The following KIAA0825 variants were observed in gnomAD, a reference collection of about 807,000 sequenced individuals.
KIAA0825 encodes the protein KIAA0825.
Under a neutral mutation model 147.6 loss-of-function variants are expected in KIAA0825, and 119 were observed. The ratio of observed to expected loss-of-function variants is 0.81; its 90% CI spans 0.69 to 0.94. The LOEUF (loss-of-function observed/expected upper bound fraction) is 0.94. Ranked by LOEUF, KIAA0825 falls within the 40% of genes least tolerant of loss-of-function variation. The probability of loss-of-function intolerance (pLI) is 0.00; values close to 1 mark genes in which losing one functional copy is unlikely to be tolerated. For synonymous variants in KIAA0825, 470 were observed against 518.1 expected (o/e 0.91, Z 1.26); for missense variants, 1,381 against 1,472.7 (o/e 0.94, Z 1.02).
chr5:94,514,502 T>A (rs1457509870), intron 5 of KIAA0825, among the ~76,000 whole-genome samples: 1 of 152,170 alleles, frequency 6.6e-6, no homozygotes, highest in Non-Finnish European at 1.5e-5. Flanking sequence ...ACTCTTCAAA[T>A]TATTGAAGGA....
intron 20 of KIAA0825, among the ~76,000 whole-genome samples, chr5:94,205,667 C>A (rs1399782417): frequency 6.6e-6 from 1 of 152,084 alleles, no homozygotes; most frequent in Admixed American, 6.5e-5. Context: ...ATGCCATAAT[C>A]CCTAAGCTCT....
intron 1 of KIAA0825, among the ~76,000 whole-genome samples, chr5:94,591,436 A>C (rs186971942): frequency 2.3e-4 from 35 of 152,346 alleles, no homozygotes; most frequent in Middle Eastern, 3.4e-3. Flanking sequence ...GATATGCTTC[A>C]AGACATGAAT....
intron 2 of KIAA0825, among the ~76,000 whole-genome samples, chr5:94,547,736 C>CAAA (rs144612994): frequency 2.3e-5 from 3 of 127,680 alleles, no homozygotes; most frequent in Admixed American, 8.1e-5. Flanking sequence ...GACTCCCTTT[C>CAAA]AAAAAAAAAA....
chr5:94,402,355 A>T (rs1751495965), intron 16 of KIAA0825, among the ~76,000 whole-genome samples: 1 of 152,172 alleles, frequency 6.6e-6, no homozygotes, highest in Non-Finnish European at 1.5e-5. Flanking sequence ...TGCCTACTGA[A>T]TTGCTCAAAA....
intron 20 of KIAA0825, among the ~76,000 whole-genome samples, chr5:94,339,144 G>A (rs1001554102): frequency 6.6e-6 from 1 of 152,044 alleles, no homozygotes; most frequent in African/African-American, 2.4e-5. Context: ...CGTAGATGTA[G>A]ACAGGTACCA....
chr5:94,575,972 A>T (rs930631323), intron 2 of KIAA0825, among the ~76,000 whole-genome samples: 1 of 152,250 alleles, frequency 6.6e-6, no homozygotes, highest in Non-Finnish European at 1.5e-5. Flanking sequence ...AATAGATTTT[A>T]AAAATTTAGG....
chr5:94,202,174 G>A (rs1330849719), intron 20 of KIAA0825, among the ~76,000 whole-genome samples: 2 of 152,236 alleles, frequency 1.3e-5, no homozygotes, highest in African/African-American at 2.4e-5. Context: ...TATTTGGTCA[G>A]TGGGCTAGCA....
intron 20 of KIAA0825, among the ~76,000 whole-genome samples, chr5:94,355,875 T>C (rs978369194): frequency 6.6e-6 from 1 of 152,212 alleles, no homozygotes; most frequent in Non-Finnish European, 1.5e-5. Context: ...ATTATAATGG[T>C]ATTTGCTGGG....
rs1172838355 is a variant in KIAA0825, at chr5:94,356,725, C to CTTTTTTTTTTTTTTTTTTTTTTTTTTTT, written c.3710+27642_3710+27643insAAAAAAAAAAAAAAAAAAAAAAAAAAAA. The stretch of plus-strand genomic sequence containing the variant: ...TCAAACTTAAGGTTTAACTTGATTT[C>CTTTTTTTTTTTTTTTTTTTTTTTTTTTT]TTTTTTTTTTTTTTTTTGAGACGGA... On this transcript the variant is annotated intron_variant, in intron 20 of 20. Coordinates refer to ENST00000682413, the MANE Select transcript of KIAA0825 (RefSeq NM_001145678.3). 5.1e-5 allele frequency among the ~76,000 whole-genome samples: 6 copies of CTTTTTTTTTTTTTTTTTTTTTTTTTTTT among 116,738 alleles called. 2 individuals carry two copies. The highest frequency in any genetic ancestry group is 2.0e-4 in the African/African-American group (6 of 29,466). 76.6% of individuals were successfully genotyped at this position (116,738 alleles called of 152,430 possible).
At chr5:94,163,558 C>A (rs1007416998) in intron 20 of KIAA0825, among the ~76,000 whole-genome samples, 31 of 152,080 alleles carry the variant, frequency 2.0e-4, no homozygotes, top group Non-Finnish European at 2.1e-4. Flanking sequence ...TTATCATAAC[C>A]AGCTTTGATG....
At chr5:94,179,776 A>G (rs1256581932) in intron 20 of KIAA0825, among the ~76,000 whole-genome samples, 1 of 152,120 alleles carries the variant, frequency 6.6e-6, no homozygotes. Context: ...ACCAATTGCC[A>G]AAGTTGAACA....
chr5:94,557,598 C>T (rs1036700951), intron 2 of KIAA0825, among the ~76,000 whole-genome samples: 3 of 152,108 alleles, frequency 2.0e-5, no homozygotes, highest in African/African-American at 7.2e-5. Context: ...CATCCACCTT[C>T]AAACATGGGG....
At chr5:94,192,993 A>G (rs916890618) in intron 20 of KIAA0825, among the ~76,000 whole-genome samples, 2 of 152,204 alleles carry the variant, frequency 1.3e-5, no homozygotes, top group South Asian at 4.1e-4. Flanking sequence ...ATTTTGTTAC[A>G]TGAATGCTAG....
At chr5:94,187,359 GA>G (rs575518336) in intron 20 of KIAA0825, among the ~76,000 whole-genome samples, 1,834 of 112,748 alleles carry the variant, frequency 0.016, 33 homozygotes, top group African/African-American at 0.048. Context: ...TGGAGGGAAG[GA>G]AAAAAAAAAA....
At chr5:94,335,545 AT>A (rs1425492161) in intron 20 of KIAA0825, among the ~76,000 whole-genome samples, 2 of 152,210 alleles carry the variant, frequency 1.3e-5, no homozygotes, top group East Asian at 3.9e-4. Context: ...TCTCACATTA[AT>A]TTTATATGTA....
intron 1 of KIAA0825, among the ~76,000 whole-genome samples, chr5:94,597,655 GATAC>G (rs1406892436): frequency 6.6e-6 from 1 of 152,072 alleles, no homozygotes; most frequent in Non-Finnish European, 1.5e-5. Flanking sequence ...TAAAGATGGT[GATAC>G]ATTCTGAGAA....
chr5:94,597,677 A>G (rs556569532), intron 1 of KIAA0825, among the ~76,000 whole-genome samples: 1 of 152,272 alleles, frequency 6.6e-6, no homozygotes, highest in South Asian at 2.1e-4. Context: ...GAAGTGCATC[A>G]TTAGGCAATT....
chr5:94,298,240 T>C (rs1778230769), intron 20 of KIAA0825, among the ~76,000 whole-genome samples: 1 of 151,194 alleles, frequency 6.6e-6, no homozygotes, highest in Admixed American at 6.6e-5. Flanking sequence ...AGTGCAAGAC[T>C]CCGTCCCAAA....
intron 20 of KIAA0825, among the ~76,000 whole-genome samples, chr5:94,162,769 A>G (rs1253709124): frequency 6.6e-6 from 1 of 152,208 alleles, no homozygotes; most frequent in Non-Finnish European, 1.5e-5. Flanking sequence ...GTTTGGCTCA[A>G]GTAGCATATT....
Sources: allele counts gnomAD v4.1 joint callset (sites outside exome capture counted in the v4.1 genomes callset), GRCh38; gene constraint gnomAD v4.1.1; transcripts MANE v1.5; gene names NCBI Gene and HGNC (gene_info 2026-07-23, HGNC 2026-07-21).